CYTH3: variants seen among roughly 807,000 people sequenced by gnomAD.
The protein encoded by CYTH3 is cytohesin 3.
CYTH3 carries 23 observed loss-of-function variants against 55.1 expected under a neutral mutation model. That is an observed-to-expected ratio of 0.42 (90% confidence interval 0.30 to 0.59). The LOEUF is 0.59. Among genes scored for constraint, CYTH3 ranks in the 20% least tolerant of loss-of-function variants. The pLI is 0.20. For missense variants in CYTH3, 413 were observed against 524.8 expected (o/e 0.79, Z 2.08); for synonymous variants, 249 against 194.9 (o/e 1.28, Z -2.31).
intron 1 of CYTH3, among the ~76,000 whole-genome samples, chr7:6,243,295 A>G (rs1259983977): frequency 1.3e-5 from 2 of 152,198 alleles, no homozygotes; most frequent in African/African-American, 4.8e-5. Context: ...CAGGTCTGTG[A>G]AAAGGCAGCC....
At chr7:6,242,368 G>A (rs574853965) in intron 1 of CYTH3, among the ~76,000 whole-genome samples, 4 of 126,028 alleles carry the variant, frequency 3.2e-5, no homozygotes, top group East Asian at 2.6e-4. Context: ...GAGCCACCGC[G>A]CCTGGCATTT....
At chr7:6,210,091 G>A (rs1207442449) in intron 1 of CYTH3, among the ~76,000 whole-genome samples, 2 of 152,154 alleles carry the variant, frequency 1.3e-5, no homozygotes, top group African/African-American at 2.4e-5. Flanking sequence ...AAATGCTATT[G>A]TAAACCATAA....
rs553615008 is a variant in CYTH3, at chr7:6,167,100, C to T, written c.824-1290G>A. 4.8e-4 allele frequency among the ~76,000 whole-genome samples: 73 copies of T among 152,296 alleles called. No homozygotes were observed. The highest frequency in any genetic ancestry group is 1.7e-3 in the African/African-American group (70 of 41,562). ...GAACCCTCTGCCCCAACTGTGGCAC[C>T]GCCTCACTGGTCCCCTTTAAGACCC... is the stretch of plus-strand genomic sequence containing the variant. On this transcript the variant is annotated intron_variant, in intron 9 of 12. Transcript: ENST00000350796. The surrounding 1 kb of genome is among the most constrained non-coding windows in gnomAD (Gnocchi z 5.5).
chr7:6,195,065 A>T (rs1381424155), intron 1 of CYTH3, among the ~76,000 whole-genome samples: 1 of 152,170 alleles, frequency 6.6e-6, no homozygotes, highest in African/African-American at 2.4e-5. Context: ...CTTCCTAAAT[A>T]AGCCAATGGT....
At chr7:6,218,073 T>C (rs1489482220) in intron 1 of CYTH3, among the ~76,000 whole-genome samples, 1 of 151,872 alleles carries the variant, frequency 6.6e-6, no homozygotes, top group Non-Finnish European at 1.5e-5. Context: ...GTTCCAGCTA[T>C]TCAGGAGGCT....
At chr7:6,207,506 T>G (rs2128548378) in intron 1 of CYTH3, among the ~76,000 whole-genome samples, 1 of 152,268 alleles carries the variant, frequency 6.6e-6, no homozygotes, top group African/African-American at 2.4e-5. Flanking sequence ...GGCACACACC[T>G]GTAATCCCAG....
intron 1 of CYTH3, among the ~76,000 whole-genome samples, chr7:6,259,822 ATATATATATAT>A (rs1208960843): frequency 0.089 from 2,280 of 25,516 alleles, 90 homozygotes; most frequent in South Asian, 0.14. Flanking sequence ...TAATATATAT[ATATATATATAT>A]TTTTTTTTTT....
At chr7:6,196,035 T>A (rs901281301) in intron 1 of CYTH3, among the ~76,000 whole-genome samples, 2 of 152,198 alleles carry the variant, frequency 1.3e-5, no homozygotes, top group African/African-American at 2.4e-5. Context: ...AGTTTCATCC[T>A]AAAGTCTGTC....
chr7:6,231,890 G>C (rs1049462638), intron 1 of CYTH3, among the ~76,000 whole-genome samples: 2 of 152,042 alleles, frequency 1.3e-5, no homozygotes, highest in African/African-American at 2.4e-5. Context: ...AACACCACCT[G>C]AATCTTCACT....
rs1783099830 is a variant in CYTH3, at chr7:6,169,231, A to AT, written c.823+1303dup. On this transcript the variant is annotated intron_variant, in intron 9 of 12. Transcript: ENST00000350796. This position sits in a 1 kb window ranked among gnomAD's most constrained non-coding sequence, Gnocchi z 4.1. ...CGTGTCTCACCCTTCCTTGATGTTTATTTTTTTGAGACGAGGTCTCACTCT... is the reference window on the plus strand; with the variant it reads ...CGTGTCTCACCCTTCCTTGATGTTTATTTTTTTTGAGACGAGGTCTCACTCT... Among the ~76,000 whole-genome samples, 1 of 151,968 alleles carries AT rather than the reference A, an allele frequency of 6.6e-6. No individual in the cohort carries two copies. Among genetic ancestry groups the AT allele is most frequent in the East Asian group, 1.9e-4 (1 of 5,180 alleles).
At chr7:6,260,119 G>A (rs1037940739) in intron 1 of CYTH3, among the ~76,000 whole-genome samples, 1 of 151,238 alleles carries the variant, frequency 6.6e-6, no homozygotes, top group African/African-American at 2.4e-5. Flanking sequence ...GTGTGCCACC[G>A]CGCCCAGCCA....
At chr7:6,270,806 A>G (rs1214270885) in intron 1 of CYTH3, among the ~76,000 whole-genome samples, 2 of 152,206 alleles carry the variant, frequency 1.3e-5, no homozygotes, top group East Asian at 1.9e-4. Flanking sequence ...TTGATACTTC[A>G]TATCATCCTT....
chr7:6,207,047 T>C (rs762788599), intron 1 of CYTH3, among the ~76,000 whole-genome samples: 5 of 146,968 alleles, frequency 3.4e-5, no homozygotes, highest in Non-Finnish European at 6.0e-5. Context: ...TGCCATACCA[T>C]AAGAAACATT....
At chr7:6,221,911 C>A (rs770552536) in intron 1 of CYTH3, among the ~76,000 whole-genome samples, 8 of 152,152 alleles carry the variant, frequency 5.3e-5, no homozygotes, top group Non-Finnish European at 8.8e-5. Flanking sequence ...ATGATGGTGC[C>A]ACTGCACTCC....
intron 1 of CYTH3, among the ~76,000 whole-genome samples, chr7:6,217,494 G>A (rs528282252): frequency 6.6e-6 from 1 of 152,240 alleles, no homozygotes; most frequent in African/African-American, 2.4e-5. Flanking sequence ...ACTATATAAT[G>A]ATCCATCAAA....
At chr7:6,172,284 T>G (rs911305512) in intron 6 of CYTH3, 1 of 153,220 alleles carries the variant, frequency 6.5e-6, no homozygotes, top group Non-Finnish European at 1.4e-5. Context: ...TGCTCTCTCT[T>G]CCCAGGATTC....
intron 1 of CYTH3, among the ~76,000 whole-genome samples, chr7:6,219,951 G>A (rs1454586228): frequency 6.6e-6 from 1 of 152,064 alleles, no homozygotes; most frequent in East Asian, 1.9e-4. Flanking sequence ...GTTGGCAGAG[G>A]GATAGACACA....
At position 6,169,091 on chromosome 7, in the gene CYTH3, T is replaced by TA. The variant is rs1367525678; in HGVS notation, c.823+1443dup. Among the ~76,000 whole-genome samples the TA allele has an allele frequency of 3.3e-5, 5 of 152,312 alleles. No individual in the cohort carries two copies. Among genetic ancestry groups the TA allele is most frequent in the African/African-American group, 1.2e-4 (5 of 41,570 alleles). On this transcript the variant is annotated intron_variant, in intron 9 of 12. Coordinates refer to ENST00000350796, the MANE Select transcript of CYTH3 (RefSeq NM_004227.4). The surrounding 1 kb of genome is among the most constrained non-coding windows in gnomAD (Gnocchi z 4.1). ...TATCTACAACTCCCCTAAACCTCGG[T>TA]ACAGCCAGAAAAAAGTCAAAGAGCA...
intron 1 of CYTH3, among the ~76,000 whole-genome samples, chr7:6,255,499 T>C (rs77858311): frequency 0.019 from 2,846 of 152,254 alleles, 87 homozygotes; most frequent in African/African-American, 0.065. Flanking sequence ...AATGGCTACA[T>C]AGTTATCTCC....
Sources: allele counts gnomAD v4.1 joint callset (sites outside exome capture counted in the v4.1 genomes callset), GRCh38; gene constraint gnomAD v4.1.1; non-coding constraint Gnocchi (gnomAD v3.1); transcripts MANE v1.5; gene names NCBI Gene and HGNC (gene_info 2026-07-23, HGNC 2026-07-21).